The following RASSF6 variants were observed in gnomAD, a reference collection of about 807,000 sequenced individuals.
RASSF6 encodes the protein Ras association domain family member 6.
In RASSF6, 52 loss-of-function variants were observed where a neutral mutation model predicts 44.0. The observed-to-expected ratio is 1.18, with a 90% CI of 0.95 to 1.49. The LOEUF (loss-of-function observed/expected upper bound fraction) is 1.49. Among genes scored for constraint, RASSF6 ranks in the 40% most tolerant of loss-of-function variants. The probability of loss-of-function intolerance (pLI) is 0.00; values close to 1 mark genes in which losing one functional copy is unlikely to be tolerated. For synonymous variants in RASSF6, 162 were observed against 124.6 expected (o/e 1.30, Z -2.00); for missense variants, 464 against 393.3 (o/e 1.18, Z -1.52).
intron 4 of RASSF6, among the ~76,000 whole-genome samples, chr4:73,590,550 G>A (rs1447011761): frequency 6.6e-6 from 1 of 152,164 alleles, no homozygotes; most frequent in African/African-American, 2.4e-5. Flanking sequence ...CAGAGGGAGG[G>A]TGTCTAGAAC....
Position 73,572,770 on chromosome 4 carries a change from A to T in RASSF6, c.*3465T>A, listed in dbSNP as rs1722982683. 2 of 152,206 alleles carry T rather than the reference A, an allele frequency of 1.3e-5. No homozygotes were observed. Among genetic ancestry groups the T allele is most frequent in the Non-Finnish European group, 1.5e-5 (1 of 68,014 alleles). The allele number at this position is 152,206 out of a possible 1,614,324, so 9.4% of individuals were successfully genotyped here. Reference sequence around the variant, plus strand: ...TTCATAAGTTTTAAATAATAACTTTACTATTTCCTGATGTAAAAAGTAACA... The same window carrying T: ...TTCATAAGTTTTAAATAATAACTTTTCTATTTCCTGATGTAAAAAGTAACA... On this transcript the variant is annotated 3_prime_UTR_variant, in exon 11 of 11. Coordinates refer to ENST00000307439, the MANE Select transcript of RASSF6 (RefSeq NM_177532.5).
At chr4:73,598,212 A>C (rs1022268665) in intron 3 of RASSF6, among the ~76,000 whole-genome samples, 2 of 152,180 alleles carry the variant, frequency 1.3e-5, no homozygotes, top group Admixed American at 6.5e-5. Flanking sequence ...CATCTATTGG[A>C]ATCTAATGCA....
chr4:73,585,984 T>TC (rs1196635060), intron 5 of RASSF6, among the ~76,000 whole-genome samples: 92 of 73,190 alleles, frequency 1.3e-3, no homozygotes, highest in African/African-American at 4.9e-3. Context: ...CCCTCCCCCC[T>TC]CCCCCCACCC....
At chr4:73,582,413 TTGTTTTTG>T in intron 6 of RASSF6, 123 bp from the exon 7 acceptor site, 1 of 453,014 alleles carries the variant, frequency 2.2e-6, no homozygotes, top group Non-Finnish European at 3.9e-6. Flanking sequence ...AAAATTTGTT[TTGTTTTTG>T]TTTGTTTTTC....
intron 5 of RASSF6, among the ~76,000 whole-genome samples, 171 bp downstream of exon 5, chr4:73,587,669 T>C (rs1198184935): frequency 6.6e-6 from 1 of 151,958 alleles, no homozygotes; most frequent in Non-Finnish European, 1.5e-5. Flanking sequence ...ACAAGCACTA[T>C]AGTGACTTAA....
At chr4:73,619,642 T>C (rs781089210) in intron 1 of RASSF6, among the ~76,000 whole-genome samples, 1 of 152,178 alleles carries the variant, frequency 6.6e-6, no homozygotes, top group African/African-American at 2.4e-5. Flanking sequence ...TTAAGAAACT[T>C]GAGAGGGGGC....
chr4:73,620,091 C>G (rs1378512195), intron 1 of RASSF6, among the ~76,000 whole-genome samples, 197 bp downstream of exon 1: 5 of 152,040 alleles, frequency 3.3e-5, no homozygotes, highest in Non-Finnish European at 7.4e-5. Flanking sequence ...TCTCTCCCTC[C>G]CACCCTACAA....
Position 73,611,812 on chromosome 4 carries a change from A to T in RASSF6, c.-17T>A. The T allele has an allele frequency of 6.2e-7, 1 of 1,605,134 alleles. No individual in the cohort carries two copies. Among genetic ancestry groups the T allele is most frequent in the Non-Finnish European group, 8.5e-7 (1 of 1,172,530 alleles). ...CATAGTCATCTTTTCCTCCTTTTTG[A>T]GATGGTCTGAGGATATCCTAAACAT... is the stretch of plus-strand genomic sequence containing the variant. On this transcript the variant is annotated 5_prime_UTR_variant, in exon 2 of 11. Coordinates refer to ENST00000307439, the MANE Select transcript of RASSF6 (RefSeq NM_177532.5).
chr4:73,586,853 T>TTGTCA (rs1309847712), intron 5 of RASSF6, among the ~76,000 whole-genome samples: 1 of 151,582 alleles, frequency 6.6e-6, no homozygotes, highest in Non-Finnish European at 1.5e-5. Context: ...AACATCATGT[T>TTGTCA]TGTCACAGGA....
intron 2 of RASSF6, among the ~76,000 whole-genome samples, chr4:73,602,344 T>C (rs753191723): frequency 5.3e-5 from 8 of 152,122 alleles, no homozygotes; most frequent in Non-Finnish European, 1.2e-4. Flanking sequence ...ACTGCAACAC[T>C]AGTGTGGTAG....
chr4:73,580,023 T>A (rs28482139), intron 8 of RASSF6, among the ~76,000 whole-genome samples: 1 of 74,496 alleles, frequency 1.3e-5, no homozygotes, highest in Non-Finnish European at 2.5e-5. Flanking sequence ...CCCTCCCCCC[T>A]CCCCCGACCC....
chr4:73,584,998 T>A (rs1723962659), intron 6 of RASSF6, among the ~76,000 whole-genome samples, 182 bp downstream of exon 6: 1 of 152,112 alleles, frequency 6.6e-6, no homozygotes, highest in Non-Finnish European at 1.5e-5. Flanking sequence ...ATAAGATAAT[T>A]CAGTAAAAAT....
At chr4:73,594,213 C>T (rs1724775267) in intron 3 of RASSF6, among the ~76,000 whole-genome samples, 1 of 152,150 alleles carries the variant, frequency 6.6e-6, no homozygotes, top group Admixed American at 6.5e-5. Flanking sequence ...TGAATTAAAG[C>T]ATAAATAATC....
At chr4:73,592,876 AG>A (rs944140123) in intron 4 of RASSF6, among the ~76,000 whole-genome samples, 3 of 152,216 alleles carry the variant, frequency 2.0e-5, no homozygotes, top group African/African-American at 7.2e-5. Context: ...AGCAGAGCAG[AG>A]GAGTCAAGAC....
At chr4:73,599,659 T>G (rs1198017686) in intron 2 of RASSF6, among the ~76,000 whole-genome samples, 2 of 152,174 alleles carry the variant, frequency 1.3e-5, no homozygotes, top group Non-Finnish European at 2.9e-5. Flanking sequence ...CTTGAGATGA[T>G]CATCATTTCT....
At chr4:73,579,318 G>A (rs1723452221) in intron 8 of RASSF6, among the ~76,000 whole-genome samples, 1 of 152,114 alleles carries the variant, frequency 6.6e-6, no homozygotes, top group Non-Finnish European at 1.5e-5. Context: ...GAATGGTCAA[G>A]TTAAAGGACA....
chr4:73,585,185 G>C lies in RASSF6; in HGVS notation c.562C>G (p.His188Asp). 1 of 1,583,482 alleles carries C rather than the reference G, an allele frequency of 6.3e-7. No homozygotes were observed. The highest frequency in any genetic ancestry group is 8.6e-7 in the Non-Finnish European group (1 of 1,166,852). The part of the protein sequence containing the change: ...RASINGHFYN[H>D]ETSIFIPAFE... The stretch of plus-strand genomic sequence containing the variant: ...TGGAATTGTAACTCACTTACTTCAT[G>C]GTTATAGAAGTGTCCATTAATAGAG... The change falls in exon 6 of 11, where the codon CAT becomes GAT. Residue 188 changes from histidine (H) to aspartate (D), a missense_variant. Transcript: ENST00000307439.
chr4:73,614,600 A>G (rs1339299490), intron 1 of RASSF6, among the ~76,000 whole-genome samples: 1 of 152,246 alleles, frequency 6.6e-6, no homozygotes. Flanking sequence ...GGACTGAAAA[A>G]TCATTGCAGT....
chr4:73,583,048 G>T (rs567492592), intron 6 of RASSF6, among the ~76,000 whole-genome samples: 26 of 152,120 alleles, frequency 1.7e-4, no homozygotes, highest in African/African-American at 5.5e-4. Flanking sequence ...TTCATCCTGC[G>T]CTAAGGTGAA....
Sources: gnomAD v4.1 joint callset for allele counts (sites outside exome capture counted in the v4.1 genomes callset) on GRCh38, gnomAD v4.1.1 for gene constraint, MANE v1.5 for transcripts, NCBI Gene and HGNC (gene_info 2026-07-23, HGNC 2026-07-21) for gene names.